COL21A1: variants seen among roughly 807,000 people sequenced by gnomAD.
COL21A1 encodes collagen type XXI alpha 1 chain.
A neutral mutation model predicts 137.9 loss-of-function variants in COL21A1; 149 were observed. The observed-to-expected ratio is 1.08, with a 90% confidence interval of 0.95 to 1.24. The LOEUF is 1.24. Ranked by LOEUF, COL21A1 falls within the 50% of genes most tolerant of loss-of-function variation. The probability of loss-of-function intolerance (pLI) is 0.00; values close to 1 mark genes in which losing one functional copy is unlikely to be tolerated. For missense variants in COL21A1, 1,167 were observed against 1,158.4 expected, an observed-to-expected ratio of 1.01 and a Z score of -0.11; for synonymous variants, 456 against 391.5, an observed-to-expected ratio of 1.16 and a Z score of -1.95.
intron 1 of COL21A1, among the ~76,000 whole-genome samples, chr6:56,201,578 T>C (rs1779410733): frequency 6.6e-6 from 1 of 152,220 alleles, no homozygotes; most frequent in Non-Finnish European, 1.5e-5. Context: ...TCCCCATTTC[T>C]TGTTTTTGTC....
chr6:56,156,379 G>A (rs1385882652), intron 10 of COL21A1, among the ~76,000 whole-genome samples: 2 of 152,180 alleles, frequency 1.3e-5, no homozygotes, highest in African/African-American at 4.8e-5. Context: ...ATTTGCTTTA[G>A]AGGACTTAAA....
chr6:56,141,717 C>T, intron 12 of COL21A1, 68 bp downstream of exon 12: 4 of 1,514,344 alleles, frequency 2.6e-6, no homozygotes, highest in Non-Finnish European at 3.7e-6. Context: ...TGAATGGAAA[C>T]CATCACAGCT....
chr6:56,255,536 G>T lies in COL21A1; in HGVS notation c.-38-72880C>A, dbSNP rs559873384. ...CATTACATACTGTTGTAAGGAACAGGGAGGGAAATAACTCCTTCCTGCTCT... is the reference window on the plus strand; with the variant it reads ...CATTACATACTGTTGTAAGGAACAGTGAGGGAAATAACTCCTTCCTGCTCT... On this transcript the variant is annotated intron_variant, in intron 1 of 28. Coordinates refer to the COL21A1 transcript ENST00000370819. Among the ~76,000 whole-genome samples the T allele has an allele frequency of 3.9e-5, 6 of 152,236 alleles. No individual in the cohort carries two copies. In the East Asian group the frequency reaches 1.2e-3, roughly 29 times the overall value.
chr6:56,127,160 C>T (rs553062989), intron 12 of COL21A1, among the ~76,000 whole-genome samples: 19 of 152,288 alleles, frequency 1.2e-4, no homozygotes, highest in South Asian at 4.1e-4. Context: ...ACACCTCCTC[C>T]CCATCTCCAC....
chr6:56,168,230 A>G lies in COL21A1; in HGVS notation c.1094T>C (p.Ile365Thr), dbSNP rs1474368960. ...CTTGTTTTCAATTTGTTGGTCATCA[A>G]TATACAAAGTCACATCTTGTTCTGT... ...LVTEQDVTLY[I>T]DDQQIENKPL... Residue 365 changes from isoleucine (I) to threonine (T), a missense_variant, in exon 6 of 30, where the codon ATT (isoleucine) becomes ACT (threonine). Coordinates refer to ENST00000244728, the MANE Select transcript of COL21A1 (RefSeq NM_030820.4). 1.3e-6 allele frequency: 2 copies of G among 1,574,254 alleles called. No homozygotes were observed. Among genetic ancestry groups the G allele is most frequent in the African/African-American group, 1.3e-5 (1 of 74,442 alleles).
chr6:56,113,750 A>G (rs1307698504), intron 16 of COL21A1, among the ~76,000 whole-genome samples: 2 of 152,140 alleles, frequency 1.3e-5, no homozygotes, highest in African/African-American at 4.8e-5. Context: ...TAGAGCACCA[A>G]GCAGAGTCTT....
chr6:56,311,739 TG>T (rs1417166270), intron 1 of COL21A1, among the ~76,000 whole-genome samples: 6 of 152,196 alleles, frequency 3.9e-5, no homozygotes, highest in Non-Finnish European at 8.8e-5. Context: ...CATTAGGCCC[TG>T]GGCTGAGCCT....
intron 9 of COL21A1, among the ~76,000 whole-genome samples, chr6:56,162,721 C>T (rs1776283715): frequency 6.6e-6 from 1 of 152,148 alleles, no homozygotes; most frequent in African/African-American, 2.4e-5. Flanking sequence ...GGTCAAATTA[C>T]TTTTATGTAT....
intron 10 of COL21A1, among the ~76,000 whole-genome samples, chr6:56,156,408 G>C (rs959243892): frequency 6.6e-6 from 1 of 152,046 alleles, no homozygotes; most frequent in African/African-American, 2.4e-5. Context: ...TTCCTTCTCT[G>C]CTCCTCTGAA....
chr6:56,315,705 C>T (rs1358803241), intron 1 of COL21A1, among the ~76,000 whole-genome samples: 5 of 134,022 alleles, frequency 3.7e-5, no homozygotes, highest in African/African-American at 1.1e-4. Context: ...TCCCTCTACC[C>T]CTCCTCTACC....
At chr6:56,114,627 C>T (rs1222041316) in intron 16 of COL21A1, among the ~76,000 whole-genome samples, 1 of 151,636 alleles carries the variant, frequency 6.6e-6, no homozygotes, top group South Asian at 2.1e-4. Flanking sequence ...AATGAGATAC[C>T]ATCTCACACC....
chr6:56,253,939 G>A (rs1454302613), intron 1 of COL21A1, among the ~76,000 whole-genome samples: 1 of 152,112 alleles, frequency 6.6e-6, no homozygotes, highest in Admixed American at 6.6e-5. Context: ...CTTAGATCCA[G>A]ATGTAACACC....
At chr6:56,321,000 T>C (rs755710013) in intron 1 of COL21A1, among the ~76,000 whole-genome samples, 2 of 152,244 alleles carry the variant, frequency 1.3e-5, no homozygotes, top group Admixed American at 1.3e-4. Flanking sequence ...TATATATTAA[T>C]TGAAAAAATA....
chr6:56,195,989 A>G (rs1021824366), intron 1 of COL21A1, among the ~76,000 whole-genome samples: 4 of 152,176 alleles, frequency 2.6e-5, no homozygotes, highest in Non-Finnish European at 4.4e-5. Flanking sequence ...CTAGTAAACT[A>G]AATTCAACAG....
intron 1 of COL21A1, among the ~76,000 whole-genome samples, chr6:56,214,517 T>C (rs926600924): frequency 6.6e-6 from 1 of 152,086 alleles, no homozygotes; most frequent in South Asian, 2.1e-4. Context: ...CTGATTCCAA[T>C]GTTGGAGAAA....
At chr6:56,265,513 T>A (rs548518709) in intron 1 of COL21A1, among the ~76,000 whole-genome samples, 38 of 152,228 alleles carry the variant, frequency 2.5e-4, no homozygotes, top group Non-Finnish European at 5.4e-4. Context: ...ACAATGATAC[T>A]CCCCATCCCC....
intron 10 of COL21A1, among the ~76,000 whole-genome samples, chr6:56,142,743 T>C (rs1429135248): frequency 1.3e-4 from 20 of 152,244 alleles, no homozygotes; most frequent in South Asian, 2.1e-4. Flanking sequence ...ATGGACCACC[T>C]GGCACCTACA....
chr6:56,214,452 A>T (rs1780362265), intron 1 of COL21A1, among the ~76,000 whole-genome samples: 1 of 152,100 alleles, frequency 6.6e-6, no homozygotes, highest in African/African-American at 2.4e-5. Context: ...ATTGGAAACA[A>T]ATCCAATGAA....
At chr6:56,261,883 C>A (rs1347630721) in intron 1 of COL21A1, among the ~76,000 whole-genome samples, 1 of 152,140 alleles carries the variant, frequency 6.6e-6, no homozygotes, top group Non-Finnish European at 1.5e-5. Context: ...GGTCTCTGAT[C>A]ACTGCATCAG....
Sources: allele counts gnomAD v4.1 joint callset (sites outside exome capture counted in the v4.1 genomes callset), GRCh38; gene constraint gnomAD v4.1.1; transcripts MANE v1.5; gene names NCBI Gene and HGNC (gene_info 2026-07-23, HGNC 2026-07-21).